HMGXB3: variants seen among roughly 807,000 people sequenced by gnomAD.
HMGXB3 encodes HMG domain-containing protein 3.
Under a neutral mutation model 121.5 loss-of-function variants are expected in HMGXB3, and 45 were observed. That is an observed-to-expected ratio of 0.37 (90% CI 0.29 to 0.47). The LOEUF is 0.47. Among genes scored for constraint, HMGXB3 ranks in the 20% least tolerant of loss-of-function variants. The pLI, the probability that HMGXB3 is intolerant of heterozygous loss-of-function variation, is 0.99. For missense variants in HMGXB3, 1,376 were observed against 1,602.2 expected, an observed-to-expected ratio of 0.86 and a Z score of 2.41; for synonymous variants, 590 against 624.1, an observed-to-expected ratio of 0.95 and a Z score of 0.81.
intron 7 of HMGXB3, among the ~76,000 whole-genome samples, chr5:150,026,214 T>C (rs2113743264): frequency 6.6e-6 from 1 of 152,362 alleles, no homozygotes; most frequent in South Asian, 2.1e-4. Context: ...CTGTGCACTT[T>C]AGACCTTTTG....
At position 150,041,957 on chromosome 5, in the gene HMGXB3, G is replaced by T; in HGVS notation, c.2718G>T (p.Leu906=). The T allele has an allele frequency of 6.4e-7, 1 of 1,551,258 alleles. No homozygotes were observed. The highest frequency in any genetic ancestry group is 1.2e-5 in the South Asian group (1 of 84,024). Residue 906 remains leucine, a synonymous_variant, in exon 15 of 20, where the codon CTG becomes CTT. Coordinates refer to ENST00000502717, the MANE Select transcript of HMGXB3 (RefSeq NM_014983.3). The stretch of plus-strand genomic sequence containing the variant: ...GGAGTGAAGAGAATGTGCTAGCACT[G>T]AAGAGCGTGGAGGTAAGTGCCTCTT... ...AQRSEENVLA[L]KSVEFTWPEF...
chr5:150,044,322 G>A (rs1756705554), intron 15 of HMGXB3, among the ~76,000 whole-genome samples: 1 of 152,170 alleles, frequency 6.6e-6, no homozygotes, highest in South Asian at 2.1e-4. Context: ...GTACTGGGTT[G>A]GCATTTCCTG....
intron 16 of HMGXB3, among the ~76,000 whole-genome samples, chr5:150,046,424 T>C (rs1011417585): frequency 6.6e-6 from 1 of 152,258 alleles, no homozygotes; most frequent in African/African-American, 2.4e-5. Context: ...TTCTATCTTA[T>C]TTCATTTTTG....
In HMGXB3 at chr5:150,006,643, A is replaced by C. The variant is rs1755709124; in HGVS notation, c.308A>C (p.Asp103Ala). Residue 103 changes from aspartate to alanine, a missense_variant, in exon 3 of 20, where the codon GAT becomes GCT. By Grantham distance (126) the Asp-to-Ala change is moderately radical. Around this residue, in one of 2 missense-constraint regions of HMGXB3, gnomAD observed 1,116 missense variants for 1,369.0 expected, o/e 0.82. Transcript: ENST00000502717. Reference sequence around the variant, plus strand: ...GCCAAACTAGAGAAGGAAGGTTTGGATCCTGTAAGTAATTTTTTTTTCCAG... The same window carrying C: ...GCCAAACTAGAGAAGGAAGGTTTGGCTCCTGTAAGTAATTTTTTTTTCCAG... ...EKAKLEKEGL[D>A]PNSKLSALTA... The C allele has an allele frequency of 6.4e-7, 1 of 1,551,484 alleles. No individual in the cohort carries two copies. The highest frequency in any genetic ancestry group is 1.4e-5 in the African/African-American group (1 of 73,068).
In HMGXB3 at chr5:150,032,621, A is replaced by T. The variant is rs777106802; in HGVS notation, c.1983+18A>T. 9.1e-5 allele frequency: 141 copies of T among 1,551,994 alleles called. No individual in the cohort carries two copies. The highest frequency in any genetic ancestry group is 3.3e-4 in the Middle Eastern group (2 of 6,020). ...AGGCTATCGTGAGTTCCTTCCCCCA[A>T]ACACATCCCCTGGCCTGTTCTGGGC... On this transcript the variant is annotated intron_variant, in intron 11 of 19. Coordinates refer to ENST00000502717, the MANE Select transcript of HMGXB3 (RefSeq NM_014983.3).
In HMGXB3 at chr5:150,010,226, G is replaced by T. The variant is rs201990590; in HGVS notation, c.428G>T (p.Ser143Ile). 192 of 1,551,898 alleles carry T rather than the reference G, an allele frequency of 1.2e-4. No individual in the cohort carries two copies. In the East Asian group the frequency reaches 4.6e-3, roughly 37 times the overall value. The change falls in exon 4 of 20, where the codon AGC (serine) becomes ATC (isoleucine). Residue 143 changes from serine (S) to isoleucine (I), a missense_variant. Physicochemically the swap from Ser to Ile is moderately radical, Grantham distance 142 (BLOSUM62 -2). Transcript: ENST00000502717. ...AAGAGCAGCCTGCAGGAGGACCGGA[G>T]CTGCCCTCAGCTAGAGCTATGTGTG... Reference protein sequence around the residue: ...IPKSSLQEDRSCPQLELCVAQ... With the variant: ...IPKSSLQEDRICPQLELCVAQ...
At chr5:150,015,074 AG>A in intron 5 of HMGXB3, 1 of 411,020 alleles carries the variant, frequency 2.4e-6, no homozygotes, top group Non-Finnish European at 4.4e-6. Flanking sequence ...CAAAAGCCAA[AG>A]GGGGACAGAT....
chr5:150,008,794 T>G (rs962105769), intron 3 of HMGXB3, among the ~76,000 whole-genome samples: 1 of 152,222 alleles, frequency 6.6e-6, no homozygotes, highest in Non-Finnish European at 1.5e-5. Context: ...TTAGTCTTGT[T>G]CTCCTAACAT....
At chr5:150,034,498 A>G (rs141493841) in intron 11 of HMGXB3, among the ~76,000 whole-genome samples, 1 of 152,234 alleles carries the variant, frequency 6.6e-6, no homozygotes, top group African/African-American at 2.4e-5. Flanking sequence ...ATCTAGGATG[A>G]TGAAGGAACT....
intron 18 of HMGXB3, among the ~76,000 whole-genome samples, chr5:150,049,558 AATGCTTCTACTCTGGGC>A (rs1756843449): frequency 6.6e-6 from 1 of 152,218 alleles, no homozygotes; most frequent in South Asian, 2.1e-4. Flanking sequence ...GGAGATGCTT[AATGCTTCTACTCTGGGC>A]AGATCAGAGC....
At chr5:150,030,966 T>C (rs754316237) in intron 10 of HMGXB3, 127 bp downstream of exon 10, 7 of 624,362 alleles carry the variant, frequency 1.1e-5, no homozygotes, top group Admixed American at 1.1e-4. Flanking sequence ...AGGTATAGAT[T>C]GTTAATGATG....
intron 12 of HMGXB3, 27 bp downstream of exon 12, chr5:150,036,964 G>T (rs1212928197): frequency 1.3e-6 from 2 of 1,528,254 alleles, no homozygotes; most frequent in African/African-American, 2.8e-5. Context: ...TCTGCCCCTA[G>T]CTACCCCATC....
intron 3 of HMGXB3, among the ~76,000 whole-genome samples, chr5:150,009,486 C>G (rs748535497): frequency 6.6e-6 from 1 of 152,120 alleles, no homozygotes; most frequent in African/African-American, 2.4e-5. Flanking sequence ...TATATACTTT[C>G]TGTCACGAAG....
rs1416389038 is a variant in HMGXB3 at position 150,024,468 on chromosome 5, G to A, written c.1248G>A (p.Glu416=). The A allele has an allele frequency of 1.9e-5, 30 of 1,551,604 alleles. No individual in the cohort carries two copies. Among genetic ancestry groups the A allele is most frequent in the African/African-American group, 2.7e-5 (2 of 73,048 alleles). Residue 416 remains glutamate, a synonymous_variant, in exon 7 of 20, where the codon GAG becomes GAA. Transcript: ENST00000502717. ...AAGTAGGTGAGGAGAGTGAGTGGGA[G>A]GAAGTGATCATCTCCGATGCCCATG... ...PREVGEESEW[E]EVIISDAHVL...
chr5:150,015,881 A>G (rs1352760663), intron 5 of HMGXB3, among the ~76,000 whole-genome samples: 1 of 152,196 alleles, frequency 6.6e-6, no homozygotes, highest in African/African-American at 2.4e-5. Flanking sequence ...GACTTGTCTT[A>G]CGGCCCAGAA....
At chr5:150,047,889 TAGG>T in intron 17 of HMGXB3, 132 bp downstream of exon 17, 1 of 940,900 alleles carries the variant, frequency 1.1e-6, no homozygotes, top group South Asian at 1.6e-5. Flanking sequence ...CAGGGATGCC[TAGG>T]AGATGGTCAA....
chr5:150,045,388 A>G, intron 15 of HMGXB3, 78 bp from the exon 16 acceptor site: 1 of 1,222,216 alleles, frequency 8.2e-7, no homozygotes, highest in Non-Finnish European at 1.2e-6. Context: ...CCCTGTGTGT[A>G]TAATGACGGG....
intron 18 of HMGXB3, 37 bp from the exon 19 acceptor site, chr5:150,050,215 C>T: frequency 1.3e-6 from 2 of 1,515,440 alleles, no homozygotes; most frequent in South Asian, 2.4e-5. Context: ...GACTGGCTTC[C>T]TAATTAACCC....
At chr5:150,032,367 T>A in intron 10 of HMGXB3, 87 bp from the exon 11 acceptor site, 2 of 1,283,506 alleles carry the variant, frequency 1.6e-6, no homozygotes, top group Non-Finnish European at 2.2e-6. Flanking sequence ...CTTCTCTGAT[T>A]TACTGGCAGC....
Sources: gnomAD v4.1 joint callset for allele counts (sites outside exome capture counted in the v4.1 genomes callset) on GRCh38, gnomAD v4.1.1 for gene constraint, gnomAD v4.1.1 regional missense constraint, MANE v1.5 for transcripts, NCBI Gene and HGNC (gene_info 2026-07-23, HGNC 2026-07-21) for gene names.